Variants in ARHGAP29 observed in about 807,000 individuals in gnomAD.
ARHGAP29 encodes the protein Rho GTPase activating protein 29.
A neutral mutation model predicts 122.6 loss-of-function variants in ARHGAP29; 43 were observed. The observed-to-expected ratio is 0.35, with a 90% confidence interval of 0.27 to 0.45. ARHGAP29 has a LOEUF of 0.45. Ranked by LOEUF, ARHGAP29 falls within the 20% of genes least tolerant of loss-of-function variation. The probability of loss-of-function intolerance (pLI) is 1.00; values close to 1 mark genes in which losing one functional copy is unlikely to be tolerated. For missense variants in ARHGAP29, 1,303 were observed against 1,477.2 expected (o/e 0.88, Z 1.93); for synonymous variants, 506 against 497.1 (o/e 1.02, Z -0.24).
At chr1:94,238,545 CAT>C (rs3841386), upstream of ARHGAP29, among the ~76,000 whole-genome samples, 5,402 of 152,108 alleles carry the variant, frequency 0.036, 157 homozygotes, top group East Asian at 0.098. Flanking sequence ...AGAAAGAACT[CAT>C]AGAGAAACAG....
intron 19 of ARHGAP29, among the ~76,000 whole-genome samples, chr1:94,180,770 A>G (rs1282096900): frequency 2.0e-5 from 3 of 152,162 alleles, no homozygotes; most frequent in Non-Finnish European, 4.4e-5. Flanking sequence ...ACTCTCTAAC[A>G]TTGTTTTAAG....
chr1:94,305,316 G>A, the ARHGAP29 span, among the ~76,000 whole-genome samples: 1 of 152,312 alleles, frequency 6.6e-6, no homozygotes, highest in South Asian at 2.1e-4. Flanking sequence ...AGTGGTCATG[G>A]GGTTTGTTCT....
At chr1:94,284,952 A>G in the ARHGAP29 span, among the ~76,000 whole-genome samples, 1 of 152,234 alleles carries the variant, frequency 6.6e-6, no homozygotes, top group Non-Finnish European at 1.5e-5. Context: ...CATAAGAGTT[A>G]TTAGGAGTAC....
chr1:94,310,718 A>G, the ARHGAP29 span, among the ~76,000 whole-genome samples: 2 of 151,708 alleles, frequency 1.3e-5, no homozygotes, highest in African/African-American at 4.8e-5. Context: ...ATGGTAATCA[A>G]TGTTGTGTTT....
Position 94,186,610 on chromosome 1 carries a change from T to C in ARHGAP29, c.1682-13A>G. The C allele has an allele frequency of 6.3e-7, 1 of 1,586,576 alleles. No individual in the cohort carries two copies. The highest frequency in any genetic ancestry group is 8.7e-7 in the Non-Finnish European group (1 of 1,155,580). ...CGATGAAAGTCTCCTAGAAGAAAAT[T>C]GTGGATACAATTACCTGACCATTCA... On this transcript the variant is annotated splice_polypyrimidine_tract_variant and intron_variant, in intron 15 of 22. Transcript: ENST00000260526.
chr1:94,233,773 T>G (rs1653081055), intron 1 of ARHGAP29, among the ~76,000 whole-genome samples: 1 of 152,218 alleles, frequency 6.6e-6, no homozygotes, highest in Non-Finnish European at 1.5e-5. Context: ...TATGTTTGTG[T>G]GTGGCATGCT....
intron 13 of ARHGAP29, 91 bp downstream of exon 13, chr1:94,189,835 G>A: frequency 7.7e-7 from 1 of 1,293,312 alleles, no homozygotes; most frequent in Non-Finnish European, 1.1e-6. Context: ...AATTTTGTCA[G>A]TTAGAAAAGT....
At chr1:94,287,377 T>A in the ARHGAP29 span, among the ~76,000 whole-genome samples, 4 of 152,106 alleles carry the variant, frequency 2.6e-5, no homozygotes, top group South Asian at 2.1e-4. Context: ...CTGCTCTTGC[T>A]AGCTCTGTCT....
the ARHGAP29 span, among the ~76,000 whole-genome samples, chr1:94,309,000 G>A: frequency 1.3e-5 from 2 of 152,198 alleles, no homozygotes; most frequent in African/African-American, 2.4e-5. Flanking sequence ...GCACTGGACT[G>A]CCTCCTTCCC....
chr1:94,292,770 G>T, the ARHGAP29 span, among the ~76,000 whole-genome samples: 1 of 152,110 alleles, frequency 6.6e-6, no homozygotes, highest in South Asian at 2.1e-4. Context: ...TGTTTGCCTG[G>T]GTATCACCAG....
At chr1:94,222,498 G>A (rs1570566648) in intron 2 of ARHGAP29, among the ~76,000 whole-genome samples, 1 of 152,016 alleles carries the variant, frequency 6.6e-6, no homozygotes, top group South Asian at 2.1e-4. Flanking sequence ...CCATAACTCC[G>A]GTCTAATGAG....
the ARHGAP29 span, among the ~76,000 whole-genome samples, chr1:94,280,991 C>T: frequency 6.6e-6 from 1 of 152,156 alleles, no homozygotes; most frequent in Admixed American, 6.6e-5. Flanking sequence ...GGGGTCACTT[C>T]CCAATGATGA....
chr1:94,236,197 C>T (rs960118267), intron 1 of ARHGAP29, among the ~76,000 whole-genome samples: 5 of 152,184 alleles, frequency 3.3e-5, no homozygotes, highest in Non-Finnish European at 4.4e-5. Context: ...TTTATCAATA[C>T]TATGCAAACA....
At chr1:94,308,679 G>C in the ARHGAP29 span, among the ~76,000 whole-genome samples, 1 of 152,122 alleles carries the variant, frequency 6.6e-6, no homozygotes, top group Non-Finnish European at 1.5e-5. Context: ...CACTGCGCCA[G>C]GATCCCATTT....
rs753143329 is a variant in ARHGAP29 at position 94,189,995 on chromosome 1, T to C, written c.1370A>G (p.Tyr457Cys). ...LQSLCDSAKL[Y>C]DPGQEYSEFV... ...TTCACTGTACTCTTGGCCTGGGTCA[T>C]AGAGTTTGGCACTATCACAGAGAGA... The change falls in exon 13 of 23, where the codon TAT becomes TGT. Residue 457 changes from tyrosine (Y) to cysteine (C), a missense_variant. Physicochemically the swap from Tyr to Cys is radical, Grantham distance 194 (BLOSUM62 -2). Coordinates refer to ENST00000260526, the MANE Select transcript of ARHGAP29 (RefSeq NM_004815.4). 1.2e-6 allele frequency: 2 copies of C among 1,613,556 alleles called. No homozygotes were observed. Among genetic ancestry groups the C allele is most frequent in the Non-Finnish European group, 1.7e-6 (2 of 1,179,646 alleles).
chr1:94,197,052 A>G (rs1294734652), intron 12 of ARHGAP29, among the ~76,000 whole-genome samples: 1 of 152,186 alleles, frequency 6.6e-6, no homozygotes, highest in African/African-American at 2.4e-5. Context: ...TAAGAAAAAG[A>G]AAAACTGATG....
At chr1:94,293,051 T>C in the ARHGAP29 span, among the ~76,000 whole-genome samples, 4 of 152,240 alleles carry the variant, frequency 2.6e-5, no homozygotes, top group African/African-American at 9.6e-5. Flanking sequence ...TGTTCAGATA[T>C]GCCCTGCCCC....
chr1:94,232,910 A>G (rs1653011669), intron 1 of ARHGAP29, among the ~76,000 whole-genome samples: 1 of 151,352 alleles, frequency 6.6e-6, no homozygotes, highest in African/African-American at 2.4e-5. Context: ...CTTCTATAAA[A>G]TTTACAGTAG....
At chr1:94,182,862 T>C (rs1649565943) in intron 19 of ARHGAP29, among the ~76,000 whole-genome samples, 1 of 145,158 alleles carries the variant, frequency 6.9e-6, no homozygotes, top group Non-Finnish European at 1.5e-5. Context: ...AGGGAAGACA[T>C]GACAGGCATT....
Sources: allele counts gnomAD v4.1 joint callset (sites outside exome capture counted in the v4.1 genomes callset), GRCh38; gene constraint gnomAD v4.1.1; transcripts MANE v1.5; gene names NCBI Gene and HGNC (gene_info 2026-07-23, HGNC 2026-07-21).